The following ITSN1 variants were observed in gnomAD, a reference collection of about 807,000 sequenced individuals.
ITSN1 encodes the protein intersectin-1.
In ITSN1, 58 loss-of-function variants were observed where a neutral mutation model predicts 239.8. The observed-to-expected ratio is 0.24, with a 90% CI of 0.20 to 0.30. ITSN1 has a LOEUF of 0.30. Ranked by LOEUF, ITSN1 falls within the 10% of genes least tolerant of loss-of-function variation. ITSN1 has a pLI of 1.00. For missense variants in ITSN1, 1,558 were observed against 2,103.3 expected (o/e 0.74, Z 5.07); for synonymous variants, 780 against 770.8 (o/e 1.01, Z -0.20).
chr21:33,678,901 A>G (rs1304524566), intron 1 of ITSN1, among the ~76,000 whole-genome samples: 1 of 152,152 alleles, frequency 6.6e-6, no homozygotes, highest in Non-Finnish European at 1.5e-5. Context: ...TTTAGTAGAG[A>G]CAGGGTTTCA....
intron 28 of ITSN1, 26 bp from the exon 29 acceptor site, chr21:33,836,415 C>T (rs751639530): frequency 5.1e-5 from 79 of 1,541,512 alleles, no homozygotes; most frequent in South Asian, 1.2e-4. Flanking sequence ...GGTGTGCAGC[C>T]GCTCACCCAG....
chr21:33,656,533 T>C (rs1316021089), intron 1 of ITSN1, among the ~76,000 whole-genome samples: 1 of 152,154 alleles, frequency 6.6e-6, no homozygotes, highest in African/African-American at 2.4e-5. Context: ...GTGTAGCCAC[T>C]GAAACAAGCT....
At position 33,727,822 on chromosome 21, in the gene ITSN1, G is replaced by A. The variant is rs1375636699; in HGVS notation, c.185+5171G>A. On this transcript the variant is annotated intron_variant, in intron 4 of 39. Coordinates refer to ENST00000381318, the MANE Select transcript of ITSN1 (RefSeq NM_003024.3). The stretch of plus-strand genomic sequence containing the variant: ...GTCCATCAACGTAATTGCATTTACG[G>A]ACTTTATCCCCAATCTGGCCACTTC... Among the ~76,000 whole-genome samples, 9 of 151,888 alleles carry A rather than the reference G, an allele frequency of 5.9e-5. No individual in the cohort carries two copies. The East Asian group carries it at 1.7e-3, about 29-fold the overall frequency.
chr21:33,750,118 G>A, intron 5 of ITSN1, 25 bp from the exon 6 acceptor site: 1 of 1,609,482 alleles, frequency 6.2e-7, no homozygotes. Context: ...GATGTGAATG[G>A]TGTTGAGCTG....
chr21:33,713,545 C>T (rs2146987984), intron 1 of ITSN1, among the ~76,000 whole-genome samples: 1 of 152,066 alleles, frequency 6.6e-6, no homozygotes, highest in South Asian at 2.1e-4. Flanking sequence ...CCGGTCTCAA[C>T]ATGGTAGCCT....
chr21:33,761,711 T>C (rs2068339040), intron 8 of ITSN1, among the ~76,000 whole-genome samples: 1 of 152,226 alleles, frequency 6.6e-6, no homozygotes, highest in Non-Finnish European at 1.5e-5. Context: ...CAAAAATTTA[T>C]TATGTGTCAG....
intron 1 of ITSN1, among the ~76,000 whole-genome samples, chr21:33,654,128 C>T (rs1181988464): frequency 6.6e-6 from 1 of 152,002 alleles, no homozygotes; most frequent in African/African-American, 2.4e-5. Flanking sequence ...TTCACTGTAT[C>T]CCCAACCTTC....
intron 1 of ITSN1, among the ~76,000 whole-genome samples, chr21:33,715,713 C>G (rs528726285): frequency 5.5e-4 from 83 of 152,262 alleles, no homozygotes; most frequent in African/African-American, 1.9e-3. Context: ...CACTTGTTTT[C>G]TCCTTCCCTA....
intron 31 of ITSN1, 100 bp downstream of exon 31, chr21:33,858,892 G>T: frequency 3.4e-6 from 2 of 592,252 alleles, no homozygotes; most frequent in Non-Finnish European, 5.9e-6. Flanking sequence ...GCTGCCCTGT[G>T]CTTCTTTCTG....
intron 1 of ITSN1, among the ~76,000 whole-genome samples, chr21:33,645,010 C>G (rs189967176): frequency 1.2e-4 from 19 of 152,100 alleles, no homozygotes; most frequent in African/African-American, 4.6e-4. Context: ...TTTCTAGAGA[C>G]AGGGTCTCTC....
At chr21:33,719,705 CTTTT>C (rs2065372574) in intron 2 of ITSN1, among the ~76,000 whole-genome samples, 3 of 152,088 alleles carry the variant, frequency 2.0e-5, no homozygotes, top group Non-Finnish European at 4.4e-5. Flanking sequence ...GTCATTTACA[CTTTT>C]TCAAAGCCTG....
At chr21:33,817,321 T>TCGAGGCTTTTGCCCATGCTG in intron 22 of ITSN1, 1 of 1,304,420 alleles carries the variant, frequency 7.7e-7, no homozygotes, top group South Asian at 1.2e-5. Context: ...GTGTTCCACC[T>TCGAGGCTTTTGCCCATGCTG]CGAGGCTTTT....
chr21:33,777,865 G>C (rs1175554792), intron 14 of ITSN1, among the ~76,000 whole-genome samples: 5 of 152,136 alleles, frequency 3.3e-5, no homozygotes, highest in Non-Finnish European at 5.9e-5. Context: ...GAAGAGCCTT[G>C]TTCCCTCTCG....
At position 33,694,831 on chromosome 21, in the gene ITSN1, A is replaced by C. The variant is rs1160929850; in HGVS notation, c.-32-23966A>C. 2.6e-5 allele frequency among the ~76,000 whole-genome samples: 4 copies of C among 152,164 alleles called. No homozygotes were observed. The East Asian group carries it at 7.7e-4, about 29-fold the overall frequency. On this transcript the variant is annotated intron_variant, in intron 1 of 39. Transcript: ENST00000381318. ...AAGAGTGTCTCAAAAAAAACAAAAA[A>C]CAAAAAACAGACAGGGTCTTTCACT... is the stretch of plus-strand genomic sequence containing the variant.
At chr21:33,881,989 C>T (rs9978194) in intron 34 of ITSN1, among the ~76,000 whole-genome samples, 27,072 of 150,994 alleles carry the variant, frequency 0.18, 4,038 homozygotes, top group African/African-American at 0.41. Context: ...ACCAGTTGCA[C>T]CATAAGACAC....
intron 5 of ITSN1, among the ~76,000 whole-genome samples, chr21:33,744,073 C>G (rs1211002912): frequency 1.3e-5 from 2 of 152,192 alleles, no homozygotes; most frequent in African/African-American, 4.8e-5. Context: ...AGCTGTAGAG[C>G]TAAGACTGAA....
At chr21:33,717,019 CAGA>C (rs1441480528) in intron 1 of ITSN1, among the ~76,000 whole-genome samples, 2 of 150,946 alleles carry the variant, frequency 1.3e-5, no homozygotes, top group East Asian at 3.9e-4. Context: ...ATCCAAGAAA[CAGA>C]AGAACAGAGA....
intron 33 of ITSN1, among the ~76,000 whole-genome samples, chr21:33,870,793 A>G (rs1982576259): frequency 6.6e-6 from 1 of 152,132 alleles, no homozygotes; most frequent in African/African-American, 2.4e-5. Context: ...GCCGGGAGTG[A>G]TGGTGTGTCA....
At position 33,833,871 on chromosome 21, in the gene ITSN1, CAA is replaced by C. The variant is rs923200436; in HGVS notation, c.3352-419_3352-418del. 5.0e-3 allele frequency among the ~76,000 whole-genome samples: 304 copies of C among 61,182 alleles called. 1 individual carries two copies. Among genetic ancestry groups the C allele is most frequent in the African/African-American group, 0.014 (277 of 19,252 alleles). The allele number at this position is 61,182 out of a possible 152,430, so 40.1% of individuals were successfully genotyped here. ...GGGGTGACAGAGCGAGACTCCGTCTCAAAAAAAAAAAAAAAAAAGAAGTACTC... is the reference window on the plus strand; with the variant it reads ...GGGGTGACAGAGCGAGACTCCGTCTCAAAAAAAAAAAAAAAAGAAGTACTC... On this transcript the variant is annotated intron_variant, in intron 27 of 39. Transcript: ENST00000381318.
Sources: allele counts gnomAD v4.1 joint callset (sites outside exome capture counted in the v4.1 genomes callset), GRCh38; gene constraint gnomAD v4.1.1; transcripts MANE v1.5; gene names NCBI Gene and HGNC (gene_info 2026-07-23, HGNC 2026-07-21).